Variants in KAT6B observed in about 807,000 individuals in gnomAD.
The protein encoded by KAT6B is histone acetyltransferase KAT6B.
KAT6B carries 10 observed loss-of-function variants against 187.5 expected under a neutral mutation model. The observed-to-expected ratio is 0.05, with a 90% CI of 0.03 to 0.09. The LOEUF (loss-of-function observed/expected upper bound fraction) is 0.09. Ranked by LOEUF, KAT6B falls within the 10% of genes least tolerant of loss-of-function variation. The pLI is 1.00. For missense variants in KAT6B, 1,952 were observed against 2,558.9 expected, an observed-to-expected ratio of 0.76 and a Z score of 5.12; for synonymous variants, 861 against 926.8, an observed-to-expected ratio of 0.93 and a Z score of 1.29.
intron 3 of KAT6B, among the ~76,000 whole-genome samples, chr10:74,912,154 A>C (rs1847253289): frequency 6.6e-6 from 1 of 152,148 alleles, no homozygotes; most frequent in South Asian, 2.1e-4. Context: ...TGCTTTTCAA[A>C]AATTATGCTC....
chr10:75,027,991 A>C (rs1846003479), intron 17 of KAT6B, among the ~76,000 whole-genome samples: 1 of 152,228 alleles, frequency 6.6e-6, no homozygotes, highest in African/African-American at 2.4e-5. Flanking sequence ...AATCAAAGTA[A>C]ATAAATCATG....
intron 13 of KAT6B, among the ~76,000 whole-genome samples, chr10:74,997,079 G>T (rs897776198): frequency 6.6e-6 from 1 of 151,866 alleles, no homozygotes; most frequent in Non-Finnish European, 1.5e-5. Context: ...AATGGGCAGA[G>T]GATCAGCTAT....
intron 13 of KAT6B, among the ~76,000 whole-genome samples, chr10:75,012,290 T>C (rs755956189): frequency 1.1e-4 from 16 of 151,926 alleles, no homozygotes; most frequent in Non-Finnish European, 2.2e-4. Flanking sequence ...TCTACAAAAA[T>C]ACAAACATTA....
intron 3 of KAT6B, among the ~76,000 whole-genome samples, chr10:74,849,732 A>G (rs1842346454): frequency 6.6e-6 from 1 of 152,268 alleles, no homozygotes; most frequent in Non-Finnish European, 1.5e-5. Context: ...CAAGTGCTTT[A>G]CATTTATTAT....
intron 1 of KAT6B, among the ~76,000 whole-genome samples, chr10:74,831,606 T>A (rs1366516242): frequency 6.6e-6 from 1 of 152,232 alleles, no homozygotes; most frequent in African/African-American, 2.4e-5. Flanking sequence ...TTCTCCTGTC[T>A]CTTAGGAGAA....
chr10:74,890,203 C>T (rs1845552896), intron 3 of KAT6B, among the ~76,000 whole-genome samples: 1 of 152,000 alleles, frequency 6.6e-6, no homozygotes, highest in Non-Finnish European at 1.5e-5. Flanking sequence ...CTGCCTGGCT[C>T]ATTTTGTATT....
At chr10:75,006,794 C>A (rs1325081545) in intron 13 of KAT6B, among the ~76,000 whole-genome samples, 1 of 151,708 alleles carries the variant, frequency 6.6e-6, no homozygotes, top group Non-Finnish European at 1.5e-5. Context: ...ATAAAATGTA[C>A]GGTGGCTCAC....
chr10:74,922,488 C>T (rs1185584471), intron 3 of KAT6B, among the ~76,000 whole-genome samples: 1 of 144,984 alleles, frequency 6.9e-6, no homozygotes. Flanking sequence ...GAAAAGCATA[C>T]CAGTGTGCTC....
intron 6 of KAT6B, among the ~76,000 whole-genome samples, chr10:74,970,756 A>G (rs1841796004): frequency 6.6e-6 from 1 of 152,218 alleles, no homozygotes; most frequent in Non-Finnish European, 1.5e-5. Flanking sequence ...AAAAAGGAAT[A>G]AAAATAAAAA....
intron 1 of KAT6B, chr10:74,827,312 A>C (rs544918234): frequency 2.0e-5 from 3 of 153,080 alleles, no homozygotes; most frequent in Non-Finnish European, 2.9e-5. Flanking sequence ...GTCTGGGCGC[A>C]GAGTAGGTGG....
intron 13 of KAT6B, among the ~76,000 whole-genome samples, chr10:75,016,841 C>T (rs1031909197): frequency 5.3e-5 from 8 of 150,728 alleles, no homozygotes; most frequent in African/African-American, 2.4e-5. Flanking sequence ...GATAATACAC[C>T]AGCTTCTAAG....
chr10:74,948,656 G>A (rs1035764542), intron 3 of KAT6B, among the ~76,000 whole-genome samples: 9 of 152,224 alleles, frequency 5.9e-5, no homozygotes, highest in African/African-American at 2.2e-4. Flanking sequence ...ATGCCTTGGG[G>A]CAACTGCAGA....
chr10:74,904,087 A>C (rs1783410305), intron 3 of KAT6B, among the ~76,000 whole-genome samples: 1 of 152,196 alleles, frequency 6.6e-6, no homozygotes, highest in Admixed American at 6.5e-5. Flanking sequence ...CATGGCATCA[A>C]ACACCTGTCT....
chr10:74,891,198 C>T (rs974805851), intron 3 of KAT6B, among the ~76,000 whole-genome samples: 2 of 152,232 alleles, frequency 1.3e-5, no homozygotes, highest in African/African-American at 2.4e-5. Flanking sequence ...TCTTTTAAAC[C>T]TGGCCACCTT....
At chr10:74,918,151 C>G (rs998224949) in intron 3 of KAT6B, among the ~76,000 whole-genome samples, 13 of 152,074 alleles carry the variant, frequency 8.5e-5, no homozygotes, top group African/African-American at 3.1e-4. Context: ...TTAGCTGTTG[C>G]AATAGCATCT....
intron 3 of KAT6B, among the ~76,000 whole-genome samples, chr10:74,851,490 G>A (rs560008575): frequency 2.6e-5 from 4 of 151,830 alleles, no homozygotes; most frequent in African/African-American, 9.7e-5. Context: ...GCACCACCAC[G>A]CCCAGCTAAT....
At chr10:74,873,852 A>G (rs1844198522) in intron 3 of KAT6B, among the ~76,000 whole-genome samples, 1 of 152,142 alleles carries the variant, frequency 6.6e-6, no homozygotes, top group African/African-American at 2.4e-5. Context: ...TTTATTTCAC[A>G]GATGAGGTGA....
At chr10:74,849,392 A>C (rs1842322803) in intron 3 of KAT6B, among the ~76,000 whole-genome samples, 1 of 151,666 alleles carries the variant, frequency 6.6e-6, no homozygotes, top group Non-Finnish European at 1.5e-5. Context: ...CTCCCAGTTC[A>C]AGTGATTCTC....
At chr10:74,992,019 A>G (rs2133889515) in intron 13 of KAT6B, among the ~76,000 whole-genome samples, 1 of 152,366 alleles carries the variant, frequency 6.6e-6, no homozygotes, top group South Asian at 2.1e-4. Flanking sequence ...TTTGGAGCCC[A>G]GGATAGAAAG....
Sources: allele counts gnomAD v4.1 joint callset (sites outside exome capture counted in the v4.1 genomes callset), GRCh38; gene constraint gnomAD v4.1.1; transcripts MANE v1.5; gene names NCBI Gene and HGNC (gene_info 2026-07-23, HGNC 2026-07-21).